Variants in MBD3 observed in about 807,000 individuals in gnomAD.
MBD3 encodes the protein methyl-CpG-binding domain protein 3.
In MBD3, 13 loss-of-function variants were observed where a neutral mutation model predicts 31.2. The observed-to-expected ratio is 0.42, with a 90% CI of 0.27 to 0.66. The LOEUF is 0.66. Among genes scored for constraint, MBD3 ranks in the 30% least tolerant of loss-of-function variants. The pLI, the probability that MBD3 is intolerant of heterozygous loss-of-function variation, is 0.26. For synonymous variants in MBD3, 223 were observed against 187.4 expected, an observed-to-expected ratio of 1.19 and a Z score of -1.55; for missense variants, 440 against 426.5, an observed-to-expected ratio of 1.03 and a Z score of -0.28.
At chr19:1,581,551 T>C in intron 4 of MBD3, 1 of 515,176 alleles carries the variant, frequency 1.9e-6, no homozygotes, top group South Asian at 2.0e-5. Flanking sequence ...GAGACCAGCC[T>C]GGACAACACA....
At chr19:1,588,687 A>G (rs2060690045) in intron 1 of MBD3, among the ~76,000 whole-genome samples, 1 of 150,542 alleles carries the variant, frequency 6.6e-6, no homozygotes, top group Non-Finnish European at 1.5e-5. Flanking sequence ...AGGCTGACGC[A>G]GAATTGGGTT....
intron 1 of MBD3, among the ~76,000 whole-genome samples, chr19:1,591,104 C>T (rs1279476536): frequency 5.9e-5 from 9 of 152,206 alleles, no homozygotes; most frequent in Non-Finnish European, 7.3e-5. Context: ...GCTGCCTGGA[C>T]GCCTCTCCCT....
At chr19:1,586,614 T>G (rs2060680403) in intron 1 of MBD3, among the ~76,000 whole-genome samples, 1 of 151,706 alleles carries the variant, frequency 6.6e-6, no homozygotes, top group Non-Finnish European at 1.5e-5. Context: ...GCTAGGGTGA[T>G]CCTTCCACCT....
Position 1,592,602 on chromosome 19 carries a change from C to G in MBD3, c.30G>C (p.Ala10=), listed in dbSNP as rs111262426. The change falls in exon 1 of 7, where the codon GCG becomes GCC. Residue 10 remains alanine, a synonymous_variant. Coordinates refer to ENST00000434436, the MANE Select transcript of MBD3 (RefSeq NM_001281453.2). ...CTTCCCTCTCCCAGCCCTGCGGGAG[C>G]GCCGGGCACTCCCACCTCTTCCGCT... The part of the protein sequence containing the change: MERKRWECP[A]LPQGWEREEV... 7.1e-7 allele frequency: 1 copy of G among 1,403,504 alleles called. No homozygotes were observed. Among genetic ancestry groups the G allele is most frequent in the Non-Finnish European group, 9.5e-7 (1 of 1,053,198 alleles). 86.9% of individuals were successfully genotyped at this position (1,403,504 alleles called of 1,614,324 possible). A position where few individuals can be genotyped will look rare whatever the true frequency, so the allele number is the denominator to read the frequency against.
Position 1,578,230 on chromosome 19 carries a change from G to T in MBD3, c.*6-72C>A. ...GACGCTTGGGCTCTTCTAGGGAGAT[G>T]GGAAGCTCTTGGGAGGCACCCGTCA... is the stretch of plus-strand genomic sequence containing the variant. On this transcript the variant is annotated intron_variant, in intron 6 of 6. Coordinates refer to ENST00000434436, the MANE Select transcript of MBD3 (RefSeq NM_001281453.2). This position sits in a 1 kb window ranked among gnomAD's most constrained non-coding sequence, Gnocchi z 6.1. The T allele has an allele frequency of 6.5e-7, 1 of 1,537,310 alleles. No homozygotes were observed. The highest frequency in any genetic ancestry group is 8.8e-7 in the Non-Finnish European group (1 of 1,130,544).
At chr19:1,586,546 T>G (rs1303768454) in intron 1 of MBD3, among the ~76,000 whole-genome samples, 2 of 152,214 alleles carry the variant, frequency 1.3e-5, no homozygotes. Context: ...GGTCTCACTC[T>G]TGCCCAGGCT....
Position 1,585,570 on chromosome 19 carries a change from C to A in MBD3, c.111-356G>T. On this transcript the variant is annotated intron_variant, in intron 1 of 6. Coordinates refer to ENST00000434436, the MANE Select transcript of MBD3 (RefSeq NM_001281453.2). This position sits in a 1 kb window ranked among gnomAD's most constrained non-coding sequence, Gnocchi z 4.1. ...ACCCCGGTCCCCTCTGAATCCTCCC[C>A]ACCGTAGGCCCTGGCAGCGTCAGGC... 6.3e-6 allele frequency: 2 copies of A among 318,448 alleles called. No homozygotes were observed. The highest frequency in any genetic ancestry group is 3.2e-5 in the South Asian group (1 of 30,802). The allele number at this position is 318,448 out of a possible 1,614,324, so 19.7% of individuals were successfully genotyped here.
At position 1,578,372 on chromosome 19, in the gene MBD3, GCTC is replaced by G. The variant is rs371220154; in HGVS notation, c.841_843del (p.Glu281del). ...TGCTCCATCTCCGGGTCCGGGTCGG[GCTC>G]CTCCTCCTCCTCCTCCTCGTCTTCC... On this transcript the variant is annotated inframe_deletion, in exon 6 of 7. Transcript: ENST00000434436. The surrounding 1 kb of genome is among the most constrained non-coding windows in gnomAD (Gnocchi z 6.1). The G allele has an allele frequency of 1.9e-3, 2,787 of 1,469,900 alleles. 5 individuals are homozygous for G. The highest frequency in any genetic ancestry group is 0.015 in the African/African-American group (1,076 of 71,574). 91.1% of individuals were successfully genotyped at this position (1,469,900 alleles called of 1,614,324 possible). A position where few individuals can be genotyped will look rare whatever the true frequency, so the allele number is the denominator to read the frequency against.
Position 1,592,723 on chromosome 19 carries a change from C to A in MBD3, c.-92G>T. 1 of 290,496 alleles carries A rather than the reference C, an allele frequency of 3.4e-6. No individual in the cohort carries two copies. 18.0% of individuals were successfully genotyped at this position (290,496 alleles called of 1,614,324 possible). A position where few individuals can be genotyped will look rare whatever the true frequency, so the allele number is the denominator to read the frequency against. ...GCCTCAGCTGCCTCCGCTGCCGCTG[C>A]CGCCGCCGCCACTTGCCGCGGCTGT... On this transcript the variant is annotated 5_prime_UTR_variant, in exon 1 of 7. Coordinates refer to ENST00000434436, the MANE Select transcript of MBD3 (RefSeq NM_001281453.2).
chr19:1,588,506 G>C (rs570391020), intron 1 of MBD3, among the ~76,000 whole-genome samples: 13 of 152,270 alleles, frequency 8.5e-5, no homozygotes, highest in Non-Finnish European at 1.8e-4. Context: ...ACAAGGCCGG[G>C]CGCGGTGGCT....
At chr19:1,589,066 T>G (rs1395214623) in intron 1 of MBD3, among the ~76,000 whole-genome samples, 1 of 152,146 alleles carries the variant, frequency 6.6e-6, no homozygotes, top group Non-Finnish European at 1.5e-5. Context: ...ATGCAGTGGC[T>G]CACACCTGTA....
intron 1 of MBD3, chr19:1,586,006 G>T (rs1010443197): frequency 6.6e-6 from 1 of 152,280 alleles, no homozygotes; most frequent in African/African-American, 2.4e-5. Flanking sequence ...GTTGCCCTGT[G>T]TGTCACATGA....
Position 1,585,643 on chromosome 19 carries a change from T to G in MBD3, c.111-429A>C, listed in dbSNP as rs1165330428. ...ACAAACGCTACTACCTACAGGGCTT[T>G]GGGCCCCGGCTCTGGGAGGATGGCT... On this transcript the variant is annotated intron_variant, in intron 1 of 6. Transcript: ENST00000434436. This position sits in a 1 kb window ranked among gnomAD's most constrained non-coding sequence, Gnocchi z 4.1. 4.4e-6 allele frequency: 1 copy of G among 225,974 alleles called. No homozygotes were observed. Among genetic ancestry groups the G allele is most frequent in the African/African-American group, 2.3e-5 (1 of 42,650 alleles). The allele number at this position is 225,974 out of a possible 1,614,324, so 14.0% of individuals were successfully genotyped here.
chr19:1,576,086 CAA>C lies in MBD3; in HGVS notation c.*2076_*2077del. 6.6e-6 allele frequency: 1 copy of C among 152,406 alleles called. No homozygotes were observed. The highest frequency in any genetic ancestry group is 2.4e-5 in the African/African-American group (1 of 41,486). 9.4% of individuals were successfully genotyped at this position (152,406 alleles called of 1,614,324 possible). On this transcript the variant is annotated 3_prime_UTR_variant, in exon 7 of 7. Transcript: ENST00000434436. ...AGAGGGAGACGGCGCAAGAGAGAGA[CAA>C]GAGGGAGAGATAGAGACAGGGATAG...
intron 1 of MBD3, chr19:1,592,049 G>A (rs1338878982): frequency 6.6e-6 from 1 of 152,272 alleles, no homozygotes; most frequent in Non-Finnish European, 1.5e-5. Context: ...CAGGACTGGG[G>A]CGAGCCCAAG....
Position 1,585,258 on chromosome 19 carries a change from CCCCAAACCCAGGCCTCGGCCGCAGA to C in MBD3, c.111-69_111-45del, listed in dbSNP as rs1340177300. ...GTCGGCGCCCCGGGCGGACCCCAGA[CCCCAAACCCAGGCCTCGGCCGCAGA>C]CCCAAACCCAGTCCCAGCCCCAGCT... On this transcript the variant is annotated intron_variant, in intron 1 of 6. Coordinates refer to ENST00000434436, the MANE Select transcript of MBD3 (RefSeq NM_001281453.2). The surrounding 1 kb of genome is among the most constrained non-coding windows in gnomAD (Gnocchi z 4.1). 49 of 1,538,832 alleles carry C rather than the reference CCCCAAACCCAGGCCTCGGCCGCAGA, an allele frequency of 3.2e-5. No homozygotes were observed. Among genetic ancestry groups the C allele is most frequent in the African/African-American group, 2.2e-4 (16 of 73,204 alleles).
chr19:1,576,270 G>C lies in MBD3; in HGVS notation c.*1894C>G, dbSNP rs368631414. On this transcript the variant is annotated 3_prime_UTR_variant, in exon 7 of 7. Transcript: ENST00000434436. ...CAGTGGCCATGGCTAGTGAGCTGAAGTCCAGGGTCCCGGGGCACAGCTCCC... is the reference window on the plus strand; with the variant it reads ...CAGTGGCCATGGCTAGTGAGCTGAACTCCAGGGTCCCGGGGCACAGCTCCC... 1.3e-5 allele frequency: 2 copies of C among 152,240 alleles called. No homozygotes were observed. Among genetic ancestry groups the C allele is most frequent in the East Asian group, 3.9e-4 (2 of 5,188 alleles). The allele number at this position is 152,240 out of a possible 1,614,324, so 9.4% of individuals were successfully genotyped here. A position where few individuals can be genotyped will look rare whatever the true frequency, so the allele number is the denominator to read the frequency against.
At chr19:1,584,042 C>G (rs2060665791) in intron 3 of MBD3, among the ~76,000 whole-genome samples, 1 of 151,880 alleles carries the variant, frequency 6.6e-6, no homozygotes, top group Non-Finnish European at 1.5e-5. Flanking sequence ...AGCCTGGTCT[C>G]AAACTCCTGA....
rs770687968 is a variant in MBD3, at chr19:1,585,109, G to A, written c.216C>T (p.Ser72=). 5.8e-5 allele frequency: 94 copies of A among 1,612,434 alleles called. No homozygotes were observed. Among genetic ancestry groups the A allele is most frequent in the Non-Finnish European group, 7.2e-5 (85 of 1,179,522 alleles). ...CGCGCTGGCGGCTCTTGTTCATCTT[G>A]CTCATCAGCATCTTGCCCGTGCGGA... ...FDFRTGKMLM[S]KMNKSRQRVR... The change falls in exon 2 of 7, where the codon AGC becomes AGT. Residue 72 remains serine (S), a synonymous_variant. Transcript: ENST00000434436. The surrounding 1 kb of genome is among the most constrained non-coding windows in gnomAD (Gnocchi z 4.1).
Sources: allele counts gnomAD v4.1 joint callset (sites outside exome capture counted in the v4.1 genomes callset), GRCh38; gene constraint gnomAD v4.1.1; non-coding constraint Gnocchi (gnomAD v3.1); transcripts MANE v1.5; gene names NCBI Gene and HGNC (gene_info 2026-07-23, HGNC 2026-07-21).